Variants in TMEM74 observed in about 807,000 individuals in gnomAD.
TMEM74 encodes transmembrane protein 74.
Under a neutral mutation model 18.1 loss-of-function variants are expected in TMEM74, and 13 were observed. That is an observed-to-expected ratio of 0.72 (90% confidence interval 0.47 to 1.14). The LOEUF (loss-of-function observed/expected upper bound fraction) is 1.14. Ranked by LOEUF, TMEM74 falls within the 50% of genes most tolerant of loss-of-function variation. The pLI is 0.00. For synonymous variants in TMEM74, 159 were observed against 146.6 expected, an observed-to-expected ratio of 1.08 and a Z score of -0.61; for missense variants, 372 against 375.9, an observed-to-expected ratio of 0.99 and a Z score of 0.09.
chr8:108,627,188 C>A (rs1170917539), intron 2 of TMEM74, among the ~76,000 whole-genome samples: 1 of 151,996 alleles, frequency 6.6e-6, no homozygotes, highest in Non-Finnish European at 1.5e-5. Flanking sequence ...TAGTTTACAA[C>A]TAGAGTGAGG....
At chr8:108,643,406 C>T (rs1405619781) in intron 2 of TMEM74, among the ~76,000 whole-genome samples, 1 of 152,144 alleles carries the variant, frequency 6.6e-6, no homozygotes, top group Non-Finnish European at 1.5e-5. Flanking sequence ...TCACTTATAA[C>T]TTGAGGCCAG....
At chr8:108,700,381 T>C (rs1053962471) in intron 1 of TMEM74, among the ~76,000 whole-genome samples, 1 of 152,158 alleles carries the variant, frequency 6.6e-6, no homozygotes, top group African/African-American at 2.4e-5. Flanking sequence ...TGTATTTTCT[T>C]TCTCTGGGCT....
At chr8:108,707,523 A>G (rs1408115098) in intron 1 of TMEM74, among the ~76,000 whole-genome samples, 2 of 152,166 alleles carry the variant, frequency 1.3e-5, no homozygotes, top group Admixed American at 1.3e-4. Flanking sequence ...TGATGTACAC[A>G]TTTTTAAATA....
At chr8:108,771,737 G>T (rs1003663692) in intron 1 of TMEM74, among the ~76,000 whole-genome samples, 1 of 151,870 alleles carries the variant, frequency 6.6e-6, no homozygotes, top group Admixed American at 6.6e-5. Flanking sequence ...AGGTTTTTTT[G>T]GTATTTCCTT....
At chr8:108,657,842 CA>C (rs1157229913) in intron 1 of TMEM74, among the ~76,000 whole-genome samples, 168 of 16,634 alleles carry the variant, frequency 0.01, 2 homozygotes, top group South Asian at 0.025. Flanking sequence ...GACACCGTCT[CA>C]AAAAAAAAAA....
intron 2 of TMEM74, among the ~76,000 whole-genome samples, chr8:108,631,324 C>T (rs182902791): frequency 6.6e-4 from 101 of 151,932 alleles, no homozygotes; most frequent in African/African-American, 2.2e-3. Flanking sequence ...CCTCCAAGCC[C>T]GAAAGGGTAT....
intron 1 of TMEM74, among the ~76,000 whole-genome samples, chr8:108,687,034 G>A (rs1432796787): frequency 4.0e-5 from 6 of 151,810 alleles, no homozygotes; most frequent in Non-Finnish European, 8.8e-5. Flanking sequence ...TAAATATTTC[G>A]ATCCTAAATT....
rs1003702970 is a variant in TMEM74, at chr8:108,744,028, G to A, written n.119+43448C>T. 4.4e-5 allele frequency among the ~76,000 whole-genome samples: 6 copies of A among 135,168 alleles called. No homozygotes were observed. The Admixed American group carries it at 4.5e-4, about 10-fold the overall frequency. 88.7% of individuals were successfully genotyped at this position (135,168 alleles called of 152,430 possible). On this transcript the variant is annotated intron_variant and non_coding_transcript_variant, in intron 1 of 3. Transcript: ENST00000518838. ...AAGCAAGAGAATAAAAGAAGGAGGT[G>A]GGCAATGTTTAGTGCACCTGCGCCC...
At chr8:108,666,828 A>G (rs1812953821) in intron 1 of TMEM74, among the ~76,000 whole-genome samples, 1 of 152,160 alleles carries the variant, frequency 6.6e-6, no homozygotes, top group Non-Finnish European at 1.5e-5. Context: ...CATTTACCAC[A>G]TGAGGAAATT....
intron 2 of TMEM74, among the ~76,000 whole-genome samples, chr8:108,635,346 T>C (rs1299655289): frequency 6.6e-6 from 1 of 151,988 alleles, no homozygotes; most frequent in Non-Finnish European, 1.5e-5. Context: ...TATCTGAGAC[T>C]GCTGCCTCTG....
chr8:108,632,395 G>A (rs945881222), intron 2 of TMEM74, among the ~76,000 whole-genome samples: 2 of 151,784 alleles, frequency 1.3e-5, no homozygotes, highest in African/African-American at 4.8e-5. Context: ...TTAATAATTT[G>A]TACTCTATTT....
intron 1 of TMEM74, among the ~76,000 whole-genome samples, chr8:108,698,211 A>G (rs1813300448): frequency 6.6e-6 from 1 of 152,244 alleles, no homozygotes; most frequent in South Asian, 2.1e-4. Flanking sequence ...AGTTACTTTT[A>G]TAAGGTCACA....
chr8:108,615,504 T>C (rs534633374), intron 2 of TMEM74, among the ~76,000 whole-genome samples: 4 of 152,270 alleles, frequency 2.6e-5, no homozygotes, highest in African/African-American at 9.6e-5. Context: ...TACTCAACTG[T>C]AACTGTTTAG....
downstream of TMEM74, among the ~76,000 whole-genome samples, chr8:108,777,749 A>G (rs1185622770): frequency 6.6e-6 from 1 of 152,184 alleles, no homozygotes; most frequent in African/African-American, 2.4e-5. Flanking sequence ...GTTATTTGAC[A>G]TTCTCCAGCT....
At chr8:108,670,593 TC>T (rs1488699062) in intron 1 of TMEM74, among the ~76,000 whole-genome samples, 1 of 152,080 alleles carries the variant, frequency 6.6e-6, no homozygotes, top group Non-Finnish European at 1.5e-5. Context: ...GCTTCTCAAC[TC>T]CCCACAAGAT....
At chr8:108,739,058 T>C (rs1054755338) in intron 1 of TMEM74, among the ~76,000 whole-genome samples, 1 of 152,296 alleles carries the variant, frequency 6.6e-6, no homozygotes, top group South Asian at 2.1e-4. Flanking sequence ...AAATAATGAA[T>C]GTTATTACAA....
At chr8:108,659,426 GT>G (rs1447080490) in intron 1 of TMEM74, among the ~76,000 whole-genome samples, 1 of 152,068 alleles carries the variant, frequency 6.6e-6, no homozygotes, top group Non-Finnish European at 1.5e-5. Context: ...CTTAAACCTT[GT>G]CAATATCCTT....
intron 1 of TMEM74, among the ~76,000 whole-genome samples, chr8:108,696,698 C>T (rs1813284749): frequency 6.6e-6 from 1 of 152,138 alleles, no homozygotes; most frequent in African/African-American, 2.4e-5. Context: ...CCCTCCAAAC[C>T]CCTGCTCTCC....
chr8:108,733,513 T>C (rs1586277411), intron 1 of TMEM74, among the ~76,000 whole-genome samples: 1 of 151,932 alleles, frequency 6.6e-6, no homozygotes, highest in Admixed American at 6.6e-5. Context: ...TGGAAAGGGG[T>C]AGGAGGGAAA....
Sources: allele counts gnomAD v4.1 joint callset (sites outside exome capture counted in the v4.1 genomes callset), GRCh38; gene constraint gnomAD v4.1.1; transcripts MANE v1.5; gene names NCBI Gene and HGNC (gene_info 2026-07-23, HGNC 2026-07-21).